Variants in SLC45A4 observed in about 807,000 individuals in gnomAD.
The protein encoded by SLC45A4 is polyamine-transporter SLC45A4.
A neutral mutation model predicts 63.7 loss-of-function variants in SLC45A4; 32 were observed. The observed-to-expected ratio is 0.50, with a 90% CI of 0.38 to 0.67. SLC45A4 has a LOEUF of 0.67. Among genes scored for constraint, SLC45A4 ranks in the 30% least tolerant of loss-of-function variants. SLC45A4 has a pLI of 0.00. For missense variants in SLC45A4, 1,027 were observed against 1,157.7 expected (o/e 0.89, Z 1.64); for synonymous variants, 535 against 510.0 (o/e 1.05, Z -0.66).
Position 141,212,209 on chromosome 8 carries a change from CTCCACCGG to C in SLC45A4, c.2281_2288del (p.Pro761AspfsTer10), listed in dbSNP as rs1243585671. 1 of 1,508,168 alleles carries C rather than the reference CTCCACCGG, an allele frequency of 6.6e-7. No homozygotes were observed. Among genetic ancestry groups the C allele is most frequent in the Non-Finnish European group, 8.9e-7 (1 of 1,125,148 alleles). The allele number at this position is 1,508,168 out of a possible 1,614,324, so 93.4% of individuals were successfully genotyped here. A position where few individuals can be genotyped will look rare whatever the true frequency, so the allele number is the denominator to read the frequency against. ...GTGCGGCTCAGACCACGGACTCTGT[CTCCACCGG>C]TCCCTGCAGGCCCTCCTTCCGCGTG... On this transcript the variant is annotated frameshift_variant, in exon 8 of 9. Coordinates refer to ENST00000517878, the MANE Select transcript of SLC45A4 (RefSeq NM_001286646.2). LOFTEE classifies it low-confidence loss of function (END_TRUNC).
intron 2 of SLC45A4, among the ~76,000 whole-genome samples, chr8:141,231,429 T>A (rs1827342154): frequency 6.6e-6 from 1 of 152,110 alleles, no homozygotes; most frequent in Non-Finnish European, 1.5e-5. Context: ...ACCAGCTAAG[T>A]CCCCGAGGTC....
At chr8:141,263,589 C>T (rs1163482120) in intron 1 of SLC45A4, among the ~76,000 whole-genome samples, 1 of 150,064 alleles carries the variant, frequency 6.7e-6, no homozygotes, top group East Asian at 1.9e-4. Flanking sequence ...ATGGTGAAAC[C>T]CCATCTCTAC....
rs1569558620 is a variant in SLC45A4, at chr8:141,244,968, G to GGGGGGGGGGGGGGGGGGGGGC, written c.241+9020_241+9021insGCCCCCCCCCCCCCCCCCCCC. Among the ~76,000 whole-genome samples, 6 of 71,928 alleles carry GGGGGGGGGGGGGGGGGGGGGC rather than the reference G, an allele frequency of 8.3e-5. 1 individual carries two copies. Among genetic ancestry groups the GGGGGGGGGGGGGGGGGGGGGC allele is most frequent in the Non-Finnish European group, 7.2e-5 (2 of 27,900 alleles). The allele number at this position is 71,928 out of a possible 152,430, so 47.2% of individuals were successfully genotyped here. A position where few individuals can be genotyped will look rare whatever the true frequency, so the allele number is the denominator to read the frequency against. Reference sequence around the variant, plus strand: ...CAAGAAGACGTGGGTGGGGGGGGGGGGCGGTGTGGAGGTGGAGGCTGGGCT... The same window carrying GGGGGGGGGGGGGGGGGGGGGC: ...CAAGAAGACGTGGGTGGGGGGGGGGGGGGGGGGGGGGGGGGGGGGGCGCGGTGTGGAGGTGGAGGCTGGGCT... On this transcript the variant is annotated intron_variant, in intron 2 of 8. Transcript: ENST00000517878.
intron 1 of SLC45A4, among the ~76,000 whole-genome samples, chr8:141,307,230 C>T (rs185971287): frequency 8.5e-5 from 13 of 152,266 alleles, no homozygotes; most frequent in African/African-American, 2.9e-4. Context: ...GGGGGAGGAA[C>T]GGGTTAAGCG....
intron 1 of SLC45A4, chr8:141,292,871 C>T (rs1420405182): frequency 6.6e-6 from 1 of 152,254 alleles, no homozygotes; most frequent in Non-Finnish European, 1.5e-5. Context: ...AGCTTGTTAA[C>T]AAATCAAGAC....
intron 1 of SLC45A4, among the ~76,000 whole-genome samples, chr8:141,302,390 C>T (rs1263271350): frequency 2.7e-5 from 4 of 149,394 alleles, no homozygotes; most frequent in East Asian, 4.0e-4. Flanking sequence ...CCCCCATCCC[C>T]GCTGCCCTCC....
chr8:141,284,061 C>G (rs764695857), intron 1 of SLC45A4, among the ~76,000 whole-genome samples: 5 of 152,220 alleles, frequency 3.3e-5, no homozygotes, highest in Non-Finnish European at 4.4e-5. Context: ...ATTTTCTCCA[C>G]TGGCTTTCAT....
chr8:141,281,544 C>T (rs977571012), intron 1 of SLC45A4, among the ~76,000 whole-genome samples: 6 of 152,212 alleles, frequency 3.9e-5, no homozygotes, highest in Admixed American at 3.9e-4. Flanking sequence ...GCACGTGGCC[C>T]CTCGACTGCT....
At chr8:141,287,433 G>A (rs1830189660) in intron 1 of SLC45A4, among the ~76,000 whole-genome samples, 1 of 152,158 alleles carries the variant, frequency 6.6e-6, no homozygotes, top group African/African-American at 2.4e-5. Flanking sequence ...AGCGCAGACT[G>A]TGCCCCTGCC....
chr8:141,211,262 C>A lies in SLC45A4; in HGVS notation c.*310G>T, dbSNP rs3739241. 1 of 495,316 alleles carries A rather than the reference C, an allele frequency of 2.0e-6. No homozygotes were observed. Among genetic ancestry groups the A allele is most frequent in the Non-Finnish European group, 3.4e-6 (1 of 293,682 alleles). 30.7% of individuals were successfully genotyped at this position (495,316 alleles called of 1,614,324 possible). A position where few individuals can be genotyped will look rare whatever the true frequency, so the allele number is the denominator to read the frequency against. On this transcript the variant is annotated 3_prime_UTR_variant, in exon 9 of 9. Transcript: ENST00000517878. Reference sequence around the variant, plus strand: ...GTTTCCTTCCCCCTGACGTTGGGAGCGGTCTGGAGGGGCAACCTGGCCTCC... The same window carrying A: ...GTTTCCTTCCCCCTGACGTTGGGAGAGGTCTGGAGGGGCAACCTGGCCTCC...
chr8:141,246,584 A>G (rs1046244053), intron 2 of SLC45A4, among the ~76,000 whole-genome samples: 1 of 152,288 alleles, frequency 6.6e-6, no homozygotes, highest in Non-Finnish European at 1.5e-5. Context: ...GCCATATTCT[A>G]TTGGTTAACA....
chr8:141,270,954 G>A (rs573590143), intron 1 of SLC45A4, among the ~76,000 whole-genome samples: 2 of 152,278 alleles, frequency 1.3e-5, no homozygotes, highest in South Asian at 2.1e-4. Flanking sequence ...ATGGCCTGGC[G>A]AGACAGGGAC....
chr8:141,254,090 ATTCGGTCTATGGACC>A lies in SLC45A4; in HGVS notation c.125_139del (p.Gly42_Ile47delinsVal). ...GTGCATCACCCACAGGCGCATGGGG[ATTCGGTCTATGGACC>A]CCTCGCTGATGGTCTCGCAGTTCTC... On this transcript the variant is annotated inframe_deletion, in exon 2 of 9. Transcript: ENST00000517878. This position sits in a 1 kb window ranked among gnomAD's most constrained non-coding sequence, Gnocchi z 4.5. The A allele has an allele frequency of 6.5e-7, 1 of 1,536,136 alleles. No individual in the cohort carries two copies. The highest frequency in any genetic ancestry group is 8.7e-7 in the Non-Finnish European group (1 of 1,146,906).
chr8:141,305,941 CGGGGCGGGCT>C (rs1830886179), intron 1 of SLC45A4, among the ~76,000 whole-genome samples: 1 of 151,940 alleles, frequency 6.6e-6, no homozygotes, highest in African/African-American at 2.4e-5. Context: ...TGCAGATCTG[CGGGGCGGGCT>C]GGGGCGGGAT....
At chr8:141,241,944 G>A (rs1346750722) in intron 2 of SLC45A4, among the ~76,000 whole-genome samples, 1 of 152,248 alleles carries the variant, frequency 6.6e-6, no homozygotes, top group Non-Finnish European at 1.5e-5. Context: ...GGTGCATACA[G>A]GGACAAGACA....
At chr8:141,235,031 T>C (rs1304748557) in intron 2 of SLC45A4, among the ~76,000 whole-genome samples, 1 of 152,200 alleles carries the variant, frequency 6.6e-6, no homozygotes, top group Non-Finnish European at 1.5e-5. Flanking sequence ...AAACCGAAAC[T>C]GACTCTCCAG....
rs1007244092 is a variant in SLC45A4, at chr8:141,256,794, T to C, written c.-400-2165A>G. 2.8e-6 allele frequency: 1 copy of C among 351,830 alleles called. No homozygotes were observed. The highest frequency in any genetic ancestry group is 5.7e-6 in the Non-Finnish European group (1 of 174,672). 21.8% of individuals were successfully genotyped at this position (351,830 alleles called of 1,614,324 possible). ...GTCCTCTACCGTAGAAACATCTCAA[T>C]TAAAACAAGAGTTTCCAAACTGTCA... On this transcript the variant is annotated intron_variant, in intron 1 of 8. Transcript: ENST00000517878. The surrounding 1 kb of genome is among the most constrained non-coding windows in gnomAD (Gnocchi z 4.3).
intron 2 of SLC45A4, chr8:141,230,174 A>C (rs1047630674): frequency 2.2e-6 from 1 of 454,674 alleles, no homozygotes; most frequent in East Asian, 7.0e-5. Flanking sequence ...GGTTTCCCAG[A>C]AGCTGAAGAA....
At chr8:141,238,515 C>A (rs1420883527) in intron 2 of SLC45A4, among the ~76,000 whole-genome samples, 2 of 152,154 alleles carry the variant, frequency 1.3e-5, no homozygotes, top group Admixed American at 1.3e-4. Context: ...CTGCTTTCTG[C>A]CTCTATGAAT....
Sources: gnomAD v4.1 joint callset for allele counts (sites outside exome capture counted in the v4.1 genomes callset) on GRCh38, gnomAD v4.1.1 for gene constraint, Gnocchi (gnomAD v3.1) non-coding constraint, MANE v1.5 for transcripts, NCBI Gene and HGNC (gene_info 2026-07-23, HGNC 2026-07-21) for gene names.